Variants in MBD5 observed in about 807,000 individuals in gnomAD.
The protein encoded by MBD5 is methyl-CpG-binding domain protein 5.
In MBD5, 13 loss-of-function variants were observed where a neutral mutation model predicts 117.3. The ratio of observed to expected loss-of-function variants is 0.11; its 90% CI spans 0.07 to 0.18. The LOEUF (loss-of-function observed/expected upper bound fraction) is 0.18, where lower values mean the gene tolerates loss of function less well. Ranked by LOEUF, MBD5 falls within the 10% of genes least tolerant of loss-of-function variation. The pLI is 1.00. For synonymous variants in MBD5, 727 were observed against 766.4 expected (o/e 0.95, Z 0.85); for missense variants, 1,879 against 2,093.8 (o/e 0.90, Z 2.00).
intron 1 of MBD5, among the ~76,000 whole-genome samples, chr2:148,134,213 C>CAGATAGATAGATAGAT (rs1308418845): frequency 7.7e-5 from 10 of 130,200 alleles, no homozygotes; most frequent in Admixed American, 2.4e-4. Context: ...AGATAGATGA[C>CAGATAGATAGATAGAT]AGATAGATAG....
At chr2:148,192,973 A>G (rs1698875423) in intron 2 of MBD5, among the ~76,000 whole-genome samples, 1 of 87,336 alleles carries the variant, frequency 1.1e-5, no homozygotes, top group African/African-American at 4.1e-5. Flanking sequence ...CAACAGACAA[A>G]CAGAGAGCCA....
intron 3 of MBD5, among the ~76,000 whole-genome samples, chr2:148,301,912 T>C (rs549462093): frequency 5.9e-5 from 9 of 152,312 alleles, no homozygotes; most frequent in African/African-American, 2.2e-4. Context: ...CAGGTGTTTC[T>C]ATCTATTGGG....
intron 2 of MBD5, among the ~76,000 whole-genome samples, chr2:148,211,467 G>A (rs1489298358): frequency 2.0e-5 from 3 of 152,016 alleles, no homozygotes; most frequent in African/African-American, 2.4e-5. Context: ...TGAAATTTTC[G>A]ATTTTTGTTA....
At chr2:148,356,788 G>T (rs1176517449) in intron 4 of MBD5, among the ~76,000 whole-genome samples, 1 of 151,918 alleles carries the variant, frequency 6.6e-6, no homozygotes, top group Non-Finnish European at 1.5e-5. Context: ...CTTGGGAACT[G>T]CTCTTCCAGA....
At chr2:148,301,541 C>T (rs1467560479) in intron 3 of MBD5, among the ~76,000 whole-genome samples, 1 of 152,124 alleles carries the variant, frequency 6.6e-6, no homozygotes, top group Non-Finnish European at 1.5e-5. Flanking sequence ...GTAAAGTACA[C>T]TTGGAAGAGG....
At chr2:148,391,848 A>G (rs551633186) in intron 4 of MBD5, among the ~76,000 whole-genome samples, 1 of 152,320 alleles carries the variant, frequency 6.6e-6, no homozygotes, top group South Asian at 2.1e-4. Flanking sequence ...TAGGTTTTGC[A>G]TCTGTTCATC....
intron 3 of MBD5, among the ~76,000 whole-genome samples, chr2:148,325,283 G>T (rs1281856177): frequency 1.3e-5 from 2 of 152,240 alleles, no homozygotes; most frequent in Non-Finnish European, 2.9e-5. Context: ...CAAAGATATT[G>T]GTCTAAAATT....
chr2:148,026,074 A>G (rs1693882756), intron 1 of MBD5: 1 of 152,206 alleles, frequency 6.6e-6, no homozygotes, highest in African/African-American at 2.4e-5. Context: ...GAAGGTGGGG[A>G]TGCCTCTGCT....
chr2:148,235,386 A>G (rs1992989), intron 3 of MBD5, among the ~76,000 whole-genome samples: 144,065 of 152,222 alleles, frequency 0.95, 68,657 homozygotes, highest in East Asian at 1. Context: ...AGACTGTATC[A>G]ATGGTATATA....
chr2:148,095,761 A>G (rs946999482), intron 1 of MBD5, among the ~76,000 whole-genome samples: 90 of 151,792 alleles, frequency 5.9e-4, no homozygotes, highest in African/African-American at 2.1e-3. Flanking sequence ...GGCTACCTTC[A>G]TCAGACTTGA....
Position 148,483,223 on chromosome 2 carries a change from C to G in MBD5, c.2632C>G (p.Pro878Ala), listed in dbSNP as rs752535474. ...CATAGTCACCACTGCAGCTGGAAACCCACTGCAGAGTCAGCTACCCATTGG... is the reference window on the plus strand; with the variant it reads ...CATAGTCACCACTGCAGCTGGAAACGCACTGCAGAGTCAGCTACCCATTGG... ...GVIVTTAAGN[P>A]LQSQLPIGSD... The change falls in exon 9 of 14, where the codon CCA becomes GCA. Residue 878 changes from proline (P) to alanine (A), a missense_variant. By Grantham distance (27) the Pro-to-Ala change is conservative. Coordinates refer to ENST00000642680, the MANE Select transcript of MBD5 (RefSeq NM_001378120.1). 3.7e-6 allele frequency: 6 copies of G among 1,613,862 alleles called. No homozygotes were observed. The Admixed American group carries it at 1.0e-4, about 27-fold the overall frequency.
At chr2:148,375,138 T>C (rs1318905686) in intron 4 of MBD5, among the ~76,000 whole-genome samples, 2 of 152,194 alleles carry the variant, frequency 1.3e-5, no homozygotes, top group Non-Finnish European at 2.9e-5. Flanking sequence ...TTCAAAACTT[T>C]ATGGTTTCAT....
intron 1 of MBD5, among the ~76,000 whole-genome samples, chr2:148,077,856 A>G (rs1342938838): frequency 6.6e-6 from 1 of 152,146 alleles, no homozygotes; most frequent in Non-Finnish European, 1.5e-5. Flanking sequence ...AACTTAATAC[A>G]TAATATACTC....
intron 4 of MBD5, among the ~76,000 whole-genome samples, chr2:148,345,376 C>CATATACACATATACATATACAT (rs1221039426): frequency 9.3e-5 from 12 of 129,444 alleles, no homozygotes; most frequent in Non-Finnish European, 1.9e-4. Context: ...TACATATACA[C>CATATACACATATACATATACAT]ATATACACAT....
At chr2:148,030,611 T>C (rs1395474426) in intron 1 of MBD5, among the ~76,000 whole-genome samples, 1 of 152,204 alleles carries the variant, frequency 6.6e-6, no homozygotes, top group Non-Finnish European at 1.5e-5. Context: ...TCAAATTCCA[T>C]GCTTTGTATA....
At chr2:148,042,007 T>C (rs1488827852) in intron 1 of MBD5, among the ~76,000 whole-genome samples, 1 of 152,210 alleles carries the variant, frequency 6.6e-6, no homozygotes, top group East Asian at 1.9e-4. Flanking sequence ...AGAAAAGCTC[T>C]GGCCACCTAA....
chr2:148,253,790 A>C (rs1001508765), intron 3 of MBD5, among the ~76,000 whole-genome samples: 8 of 152,152 alleles, frequency 5.3e-5, no homozygotes, highest in African/African-American at 1.9e-4. Flanking sequence ...TTAGCAGGGT[A>C]ATTATACCTT....
chr2:148,230,180 C>A (rs1699947829), intron 2 of MBD5, among the ~76,000 whole-genome samples: 1 of 152,144 alleles, frequency 6.6e-6, no homozygotes, highest in South Asian at 2.1e-4. Flanking sequence ...AGGTGCCATG[C>A]AGGAGCCAGG....
At position 148,336,507 on chromosome 2, in the gene MBD5, C is replaced by A. The variant is rs1005764931; in HGVS notation, c.-679-5707C>A. Among the ~76,000 whole-genome samples, 5 of 152,256 alleles carry A rather than the reference C, an allele frequency of 3.3e-5. No homozygotes were observed. In the East Asian group the frequency reaches 9.7e-4, roughly 29 times the overall value. On this transcript the variant is annotated intron_variant, in intron 3 of 13. Transcript: ENST00000642680. ...GCTCAAACCATCCTTCCATGTCAGC[C>A]TCCCTTGTAGCTGGGACTACCAGCA...
Sources: allele counts gnomAD v4.1 joint callset (sites outside exome capture counted in the v4.1 genomes callset), GRCh38; gene constraint gnomAD v4.1.1; transcripts MANE v1.5; gene names NCBI Gene and HGNC (gene_info 2026-07-23, HGNC 2026-07-21).